Variants in ARHGEF6 observed in about 807,000 individuals in gnomAD.
ARHGEF6 encodes Rac/Cdc42 guanine nucleotide exchange factor 6, also known as rho guanine nucleotide exchange factor 6.
ARHGEF6 carries 9 observed loss-of-function variants against 70.3 expected under a neutral mutation model. That is an observed-to-expected ratio of 0.13 (90% confidence interval 0.08 to 0.22). The LOEUF (loss-of-function observed/expected upper bound fraction) is 0.22, where lower values mean the gene tolerates loss of function less well. Among genes scored for constraint, ARHGEF6 ranks in the 10% least tolerant of loss-of-function variants. The pLI is 1.00. For missense variants in ARHGEF6, 470 were observed against 563.0 expected, an observed-to-expected ratio of 0.83 and a Z score of 1.67; for synonymous variants, 201 against 207.8, an observed-to-expected ratio of 0.97 and a Z score of 0.28.
intron 20 of ARHGEF6, 61 bp from the exon 21 acceptor site, chrX:136,669,597 T>C: frequency 1.0e-6 from 1 of 979,319 alleles, no homozygotes; most frequent in Non-Finnish European, 1.5e-6. Flanking sequence ...GTTAAAATAC[T>C]TAACAATAAA....
chrX:136,684,204 G>C (rs139220347), intron 12 of ARHGEF6, among the ~76,000 whole-genome samples: 1 of 111,699 alleles, frequency 9.0e-6, no homozygotes, highest in African/African-American at 3.3e-5. Flanking sequence ...GCTCCTCGTG[G>C]AATTTCCATG....
intron 2 of ARHGEF6, among the ~76,000 whole-genome samples, chrX:136,770,422 G>C (rs182916897): frequency 2.8e-3 from 319 of 111,970 alleles, no homozygotes; most frequent in Non-Finnish European, 4.5e-3. Context: ...ACCTCAATCT[G>C]ATAAAGGCCA....
intron 2 of ARHGEF6, among the ~76,000 whole-genome samples, chrX:136,756,768 G>T (rs746568653): frequency 1.8e-5 from 2 of 112,274 alleles, no homozygotes; most frequent in East Asian, 5.6e-4. Flanking sequence ...AAGACTTTTG[G>T]CTCTTCCCAT....
At chrX:136,747,684 GAAAAAAA>G (rs140379962) in intron 2 of ARHGEF6, 92 bp from the exon 3 acceptor site, 11 of 124,003 alleles carry the variant, frequency 8.9e-5, no homozygotes, top group East Asian at 5.8e-4. Context: ...CAGCTCTCCG[GAAAAAAA>G]AAAAAAAAAA....
rs1396761207 is a variant in ARHGEF6, at chrX:136,665,988, T to C, written c.*2041A>G. On this transcript the variant is annotated 3_prime_UTR_variant, in exon 22 of 22. Transcript: ENST00000250617. ...AAAAATGTTTCCTATAGATGCAGTT[T>C]GCACATTTATTGCAAGCCATTGACT... The C allele has an allele frequency of 8.9e-6, 1 of 112,865 alleles. No individual in the cohort carries two copies. The allele number at this position is 112,865 out of a possible 1,213,427, so 9.3% of individuals were successfully genotyped here.
chrX:136,680,617 AAT>A (rs1198230600), intron 15 of ARHGEF6, 112 bp downstream of exon 15: 3 of 892,487 alleles, frequency 3.4e-6, no homozygotes, highest in Non-Finnish European at 4.9e-6. Flanking sequence ...AAAATCTACA[AAT>A]ATAGGCTGCC....
At chrX:136,694,331 G>A (rs2076489221) in intron 9 of ARHGEF6, among the ~76,000 whole-genome samples, 1 of 112,134 alleles carries the variant, frequency 8.9e-6, no homozygotes, top group African/African-American at 3.3e-5. Flanking sequence ...GGGATTACAG[G>A]CGTGAGCCAC....
chrX:136,744,012 G>A (rs979949249), intron 4 of ARHGEF6, among the ~76,000 whole-genome samples: 1 of 111,689 alleles, frequency 9.0e-6, no homozygotes, highest in Non-Finnish European at 1.9e-5. Flanking sequence ...GTATTTTGAA[G>A]TGGGTCATAG....
chrX:136,777,415 C>T (rs753662794), intron 2 of ARHGEF6, among the ~76,000 whole-genome samples: 1 of 89,850 alleles, frequency 1.1e-5, no homozygotes, highest in Admixed American at 1.1e-4. Flanking sequence ...GCAGAAATGG[C>T]CACAATTAAA....
At chrX:136,706,269 C>T (rs1008522728) in intron 9 of ARHGEF6, among the ~76,000 whole-genome samples, 2 of 111,779 alleles carry the variant, frequency 1.8e-5, no homozygotes, top group Non-Finnish European at 3.8e-5. Context: ...CATCATGAAT[C>T]GGAAGCAACT....
chrX:136,743,566 T>G lies in ARHGEF6; in HGVS notation c.661+19A>C. The G allele has an allele frequency of 5.0e-6, 6 of 1,200,234 alleles. No homozygotes were observed. Among genetic ancestry groups the G allele is most frequent in the Non-Finnish European group, 6.8e-6 (6 of 885,011 alleles). Reference sequence around the variant, plus strand: ...GTACAAGAGTCACAATCAAAAAGCCTTTTAAAAACTTCACTTACCACTGGA... The same window carrying G: ...GTACAAGAGTCACAATCAAAAAGCCGTTTAAAAACTTCACTTACCACTGGA... On this transcript the variant is annotated intron_variant, in intron 5 of 21. Coordinates refer to ENST00000250617, the MANE Select transcript of ARHGEF6 (RefSeq NM_004840.3).
chrX:136,748,239 A>G (rs781140404), intron 2 of ARHGEF6, among the ~76,000 whole-genome samples: 4 of 111,688 alleles, frequency 3.6e-5, no homozygotes, highest in Non-Finnish European at 7.5e-5. Flanking sequence ...CATGAATTCA[A>G]GTATTTGCCT....
chrX:136,770,551 T>A (rs1448612133), intron 2 of ARHGEF6, among the ~76,000 whole-genome samples: 1 of 111,802 alleles, frequency 8.9e-6, no homozygotes, highest in African/African-American at 3.3e-5. Context: ...GAAAATGAAA[T>A]AAAAGGCATC....
At chrX:136,717,957 C>T (rs755845488) in intron 6 of ARHGEF6, among the ~76,000 whole-genome samples, 77 of 111,125 alleles carry the variant, frequency 6.9e-4, no homozygotes, top group African/African-American at 2.4e-3. Context: ...AAGCGAACAA[C>T]GAAAAGGGCA....
intron 6 of ARHGEF6, among the ~76,000 whole-genome samples, chrX:136,727,046 T>C (rs1256811199): frequency 8.9e-6 from 1 of 112,395 alleles, no homozygotes; most frequent in Non-Finnish European, 1.9e-5. Context: ...TGGCTCCCCC[T>C]GTCTGAATAA....
chrX:136,708,921 A>C (rs1437494085), intron 7 of ARHGEF6, 151 bp from the exon 8 acceptor site: 4 of 386,975 alleles, frequency 1.0e-5, no homozygotes, highest in Non-Finnish European at 1.8e-5. Flanking sequence ...GCAGCTTCTT[A>C]AGCTTCTCCC....
At chrX:136,688,319 A>G (rs181090212) in intron 10 of ARHGEF6, among the ~76,000 whole-genome samples, 1 of 111,691 alleles carries the variant, frequency 9.0e-6, no homozygotes, top group African/African-American at 3.3e-5. Context: ...TCATATATTT[A>G]GTAACAATGT....
At chrX:136,752,475 T>G (rs982478591) in intron 2 of ARHGEF6, among the ~76,000 whole-genome samples, 2 of 112,339 alleles carry the variant, frequency 1.8e-5, no homozygotes, top group Non-Finnish European at 3.8e-5. Context: ...CCACGTGCAA[T>G]GACACCTAGC....
At chrX:136,752,893 G>A (rs1043198109) in intron 2 of ARHGEF6, among the ~76,000 whole-genome samples, 1 of 111,991 alleles carries the variant, frequency 8.9e-6, no homozygotes, top group East Asian at 2.8e-4. Flanking sequence ...AATTCTCACA[G>A]CTGAGCACAC....
Sources: allele counts gnomAD v4.1 joint callset (sites outside exome capture counted in the v4.1 genomes callset), GRCh38; gene constraint gnomAD v4.1.1; transcripts MANE v1.5; gene names NCBI Gene and HGNC (gene_info 2026-07-23, HGNC 2026-07-21).